COL22A1: variants seen among roughly 807,000 people sequenced by gnomAD.
The protein encoded by COL22A1 is collagen alpha-1(XXII) chain.
In COL22A1, 221 loss-of-function variants were observed where a neutral mutation model predicts 248.9. The observed-to-expected ratio is 0.89, with a 90% CI of 0.80 to 0.99. The LOEUF is 0.99. Ranked by LOEUF, COL22A1 falls within the 50% of genes least tolerant of loss-of-function variation. COL22A1 has a pLI of 0.00. For synonymous variants in COL22A1, 891 were observed against 793.4 expected (o/e 1.12, Z -2.07); for missense variants, 2,240 against 2,179.0 (o/e 1.03, Z -0.56).
At chr8:138,857,556 C>T (rs987224982) in intron 3 of COL22A1, among the ~76,000 whole-genome samples, 1 of 152,214 alleles carries the variant, frequency 6.6e-6, no homozygotes, top group African/African-American at 2.4e-5. Context: ...CTCTGCCCAC[C>T]ATGTCCAGGC....
intron 3 of COL22A1, among the ~76,000 whole-genome samples, chr8:138,860,252 T>C (rs754886604): frequency 5.3e-5 from 8 of 152,184 alleles, no homozygotes; most frequent in Non-Finnish European, 1.2e-4. Flanking sequence ...AATCGATTTC[T>C]CATTCAGTTC....
chr8:138,640,678 G>A (rs145785262), intron 47 of COL22A1, among the ~76,000 whole-genome samples: 1 of 152,138 alleles, frequency 6.6e-6, no homozygotes, highest in Non-Finnish European at 1.5e-5. Flanking sequence ...AATGAAGCAA[G>A]TATTATGAGG....
At chr8:138,876,183 C>T (rs1377363992) in intron 3 of COL22A1, among the ~76,000 whole-genome samples, 5 of 152,152 alleles carry the variant, frequency 3.3e-5, no homozygotes, top group African/African-American at 9.7e-5. Flanking sequence ...CCCAGCTGCA[C>T]GGGCCCATCA....
intron 21 of COL22A1, 113 bp downstream of exon 21, chr8:138,755,044 T>C: frequency 9.4e-7 from 1 of 1,059,714 alleles, no homozygotes; most frequent in East Asian, 2.4e-5. Flanking sequence ...TCAGGTGATG[T>C]GAAGGCGCTT....
intron 55 of COL22A1, among the ~76,000 whole-genome samples, chr8:138,615,192 C>T (rs753382758): frequency 1.3e-4 from 20 of 152,204 alleles, no homozygotes; most frequent in Non-Finnish European, 2.6e-4. Flanking sequence ...GTCCCTTTAT[C>T]TCTCTGGATC....
In COL22A1 at chr8:138,707,678, C is replaced by A. The variant is rs557546397; in HGVS notation, c.2518-4331G>T. 2.0e-5 allele frequency among the ~76,000 whole-genome samples: 3 copies of A among 152,298 alleles called. No individual in the cohort carries two copies. The East Asian group carries it at 5.8e-4, about 29-fold the overall frequency. ...TTTATGACAAACCCACAACCAATAT[C>A]ATACTGAATGGGCAAAAACTGGAAG... On this transcript the variant is annotated intron_variant, in intron 30 of 64. Coordinates refer to ENST00000303045, the MANE Select transcript of COL22A1 (RefSeq NM_152888.3).
chr8:138,828,990 G>C (rs546158925), intron 5 of COL22A1, among the ~76,000 whole-genome samples: 1 of 152,226 alleles, frequency 6.6e-6, no homozygotes, highest in Admixed American at 6.5e-5. Context: ...TTCCCTGCTG[G>C]AGGAGGTGGA....
intron 22 of COL22A1, among the ~76,000 whole-genome samples, chr8:138,747,857 A>G (rs1210470907): frequency 5.9e-5 from 9 of 152,222 alleles, no homozygotes; most frequent in Admixed American, 2.0e-4. Flanking sequence ...AAAGAAAAAT[A>G]GGAAAAAAAT....
At chr8:138,696,016 G>A (rs899107493) in intron 32 of COL22A1, among the ~76,000 whole-genome samples, 2 of 152,086 alleles carry the variant, frequency 1.3e-5, no homozygotes, top group Non-Finnish European at 2.9e-5. Context: ...TTACCCATAC[G>A]GACCCCATAT....
At chr8:138,832,903 T>A in intron 5 of COL22A1, 136 bp downstream of exon 5, 2 of 610,620 alleles carry the variant, frequency 3.3e-6, no homozygotes, top group Non-Finnish European at 5.9e-6. Flanking sequence ...AGCTGCTTCA[T>A]CGCAGGGCAA....
rs185972728 is a variant in COL22A1 at position 138,833,194 on chromosome 8, G to C, written c.734-44C>G. ...TGGGAGTGAGTTTGGAGAAGGAAGAGTATAAGAGACAAAGGAAAATCACAT... is the reference window on the plus strand; with the variant it reads ...TGGGAGTGAGTTTGGAGAAGGAAGACTATAAGAGACAAAGGAAAATCACAT... On this transcript the variant is annotated intron_variant, in intron 4 of 64. Transcript: ENST00000303045. The C allele has an allele frequency of 5.8e-6, 8 of 1,381,344 alleles. No homozygotes were observed. The East Asian group carries it at 1.6e-4, about 28-fold the overall frequency. The allele number at this position is 1,381,344 out of a possible 1,614,324, so 85.6% of individuals were successfully genotyped here. A position where few individuals can be genotyped will look rare whatever the true frequency, so the allele number is the denominator to read the frequency against.
At chr8:138,835,563 G>T (rs1462981881) in intron 4 of COL22A1, among the ~76,000 whole-genome samples, 1 of 152,164 alleles carries the variant, frequency 6.6e-6, no homozygotes. Context: ...ACAGGGCCCA[G>T]CTTGCTGAGT....
intron 1 of COL22A1, among the ~76,000 whole-genome samples, chr8:138,889,677 A>C (rs1232312906): frequency 1.3e-5 from 2 of 152,158 alleles, no homozygotes; most frequent in Non-Finnish European, 2.9e-5. Flanking sequence ...TAACCTGCAC[A>C]TTGTGCACAT....
At chr8:138,839,362 C>T (rs1385642436) in intron 4 of COL22A1, among the ~76,000 whole-genome samples, 1 of 152,028 alleles carries the variant, frequency 6.6e-6, no homozygotes, top group African/African-American at 2.4e-5. Flanking sequence ...GGGCTTTTGT[C>T]GGCTCCATCG....
chr8:138,755,880 T>C (rs2131365123), intron 18 of COL22A1, 51 bp from the exon 19 acceptor site: 6 of 1,530,038 alleles, frequency 3.9e-6, no homozygotes, highest in Non-Finnish European at 5.4e-6. Context: ...CCACCTTCTG[T>C]GGCAGTCCCA....
At chr8:138,724,489 C>A in intron 25 of COL22A1, 126 bp downstream of exon 25, 1 of 862,170 alleles carries the variant, frequency 1.2e-6, no homozygotes, top group Non-Finnish European at 1.9e-6. Flanking sequence ...GGGCTGCAGG[C>A]CTTGCTGGCC....
intron 15 of COL22A1, among the ~76,000 whole-genome samples, chr8:138,776,754 C>T (rs1280831174): frequency 1.3e-5 from 2 of 152,164 alleles, no homozygotes; most frequent in East Asian, 3.9e-4. Flanking sequence ...AGGGCAGTTC[C>T]TTCAATATGG....
chr8:138,720,980 A>G (rs1255078386), intron 26 of COL22A1, among the ~76,000 whole-genome samples, 188 bp from the exon 27 acceptor site: 1 of 152,200 alleles, frequency 6.6e-6, no homozygotes, highest in Non-Finnish European at 1.5e-5. Flanking sequence ...TAGGTTCCAT[A>G]TTCAATAGCT....
chr8:138,651,548 G>GAT (rs1031462828), intron 45 of COL22A1, among the ~76,000 whole-genome samples: 1 of 152,208 alleles, frequency 6.6e-6, no homozygotes, highest in African/African-American at 2.4e-5. Flanking sequence ...TAAATACTGG[G>GAT]ATATATAAAG....
Sources: allele counts gnomAD v4.1 joint callset (sites outside exome capture counted in the v4.1 genomes callset), GRCh38; gene constraint gnomAD v4.1.1; transcripts MANE v1.5; gene names NCBI Gene and HGNC (gene_info 2026-07-23, HGNC 2026-07-21).